The following USH2A variants were observed in gnomAD, a reference collection of about 807,000 sequenced individuals.
USH2A encodes usherin.
In USH2A, 443 loss-of-function variants were observed where a neutral mutation model predicts 538.9. The observed-to-expected ratio is 0.82, with a 90% CI of 0.76 to 0.89. The LOEUF is 0.89. Among genes scored for constraint, USH2A ranks in the 40% least tolerant of loss-of-function variants. USH2A has a pLI of 0.00. For missense variants in USH2A, 6,633 were observed against 6,324.8 expected, an observed-to-expected ratio of 1.05 and a Z score of -1.65; for synonymous variants, 2,413 against 2,273.5, an observed-to-expected ratio of 1.06 and a Z score of -1.75.
intron 34 of USH2A, 85 bp downstream of exon 34, chr1:215,998,802 T>C: frequency 7.0e-7 from 1 of 1,432,978 alleles, no homozygotes; most frequent in Non-Finnish European, 9.7e-7. Context: ...TTTTTTTAAG[T>C]GAGAGAGAAA....
intron 21 of USH2A, among the ~76,000 whole-genome samples, chr1:216,172,278 C>G (rs149869331): frequency 2.6e-5 from 4 of 151,914 alleles, no homozygotes; most frequent in Admixed American, 2.6e-4. Context: ...GTTATGAATG[C>G]GTTTATAATT....
intron 11 of USH2A, among the ~76,000 whole-genome samples, chr1:216,258,797 A>T (rs939316831): frequency 6.6e-6 from 1 of 152,118 alleles, no homozygotes; most frequent in African/African-American, 2.4e-5. Context: ...GATAAATTCT[A>T]TCACAATGTT....
rs181872439 is a variant in USH2A, at chr1:216,279,971, G to A, written c.1971+9309C>T. Among the ~76,000 whole-genome samples the A allele has an allele frequency of 9.2e-5, 14 of 151,812 alleles. No homozygotes were observed. The East Asian group carries it at 2.5e-3, about 27-fold the overall frequency. On this transcript the variant is annotated intron_variant, in intron 11 of 71. Transcript: ENST00000307340. The stretch of plus-strand genomic sequence containing the variant: ...GTGGGGTCAGTGGAGGGAAAGGATG[G>A]AGACAAGCGGCTCACTCCCACCTTG...
chr1:215,766,308 T>C (rs1291680863), intron 56 of USH2A, among the ~76,000 whole-genome samples: 1 of 152,190 alleles, frequency 6.6e-6, no homozygotes, highest in Non-Finnish European at 1.5e-5. Context: ...CAGATCTTTC[T>C]CCTATCACTT....
intron 60 of USH2A, among the ~76,000 whole-genome samples, chr1:215,734,780 G>C (rs1660107767): frequency 2.0e-5 from 3 of 152,286 alleles, no homozygotes; most frequent in African/African-American, 7.2e-5. Flanking sequence ...GGCATAACAA[G>C]GGTGACCTTT....
At chr1:216,285,037 CA>C (rs2036854639) in intron 11 of USH2A, among the ~76,000 whole-genome samples, 1 of 152,188 alleles carries the variant, frequency 6.6e-6, no homozygotes, top group Admixed American at 6.5e-5. Context: ...GAAAAATTTG[CA>C]GGCTGACAAT....
Position 216,196,638 on chromosome 1 carries a change from A to G in USH2A, c.4166T>C (p.Val1389Ala). The G allele has an allele frequency of 1.9e-6, 3 of 1,613,640 alleles. No homozygotes were observed. Among genetic ancestry groups the G allele is most frequent in the Non-Finnish European group, 2.5e-6 (3 of 1,179,722 alleles). ...ATACCCCACAACTTTTCCTCTTGTAACATTATCTGCTGGCTTCTCCCAGGA... is the reference window on the plus strand; with the variant it reads ...ATACCCCACAACTTTTCCTCTTGTAGCATTATCTGCTGGCTTCTCCCAGGA... Reference protein sequence around the residue: ...NISWEKPADNVTRGKVVGYDI... With the variant: ...NISWEKPADNATRGKVVGYDI... Residue 1389 changes from valine to alanine, a missense_variant, in exon 19 of 72, where the codon GTT (valine) becomes GCT (alanine). Coordinates refer to ENST00000307340, the MANE Select transcript of USH2A (RefSeq NM_206933.4).
At chr1:216,111,603 T>C (rs2032871692) in intron 21 of USH2A, among the ~76,000 whole-genome samples, 1 of 151,782 alleles carries the variant, frequency 6.6e-6, no homozygotes, top group African/African-American at 2.4e-5. Flanking sequence ...AAAAACGCTT[T>C]ATTAAACTAG....
chr1:216,414,527 T>G (rs1457195994), intron 3 of USH2A, among the ~76,000 whole-genome samples: 3 of 152,034 alleles, frequency 2.0e-5, no homozygotes, highest in Non-Finnish European at 4.4e-5. Flanking sequence ...TTTTTCTGAT[T>G]TTGGTAAATT....
chr1:215,676,312 C>T (rs760804555), intron 62 of USH2A, among the ~76,000 whole-genome samples: 2 of 152,102 alleles, frequency 1.3e-5, no homozygotes, highest in Admixed American at 1.3e-4. Context: ...TGGAAAAAAA[C>T]ATCTGAATGC....
At chr1:216,138,436 C>T (rs796435378) in intron 21 of USH2A, among the ~76,000 whole-genome samples, 2 of 152,328 alleles carry the variant, frequency 1.3e-5, no homozygotes, top group African/African-American at 4.8e-5. Context: ...GCAGCTATTG[C>T]TCCAACTGTA....
chr1:215,685,354 GTT>G (rs34889051), intron 61 of USH2A, among the ~76,000 whole-genome samples: 7 of 113,686 alleles, frequency 6.2e-5, no homozygotes, highest in African/African-American at 1.1e-4. Flanking sequence ...TGTTGTTGTT[GTT>G]TTTTTTTTTG....
chr1:215,766,374 G>A (rs1400386262), intron 56 of USH2A, among the ~76,000 whole-genome samples: 1 of 152,078 alleles, frequency 6.6e-6, no homozygotes, highest in East Asian at 1.9e-4. Context: ...TCAGCAGTGA[G>A]CATGGTGCTT....
intron 32 of USH2A, among the ~76,000 whole-genome samples, chr1:216,013,459 T>C (rs4503324): frequency 0.45 from 68,623 of 150,978 alleles, 16,158 homozygotes; most frequent in East Asian, 0.7. Flanking sequence ...AAGACAGGAA[T>C]GTCAGGCCTC....
chr1:216,292,257 G>A lies in USH2A; in HGVS notation c.1758C>T (p.Tyr586=), dbSNP rs779929656. The change falls in exon 10 of 72, where the codon TAC becomes TAT. Residue 586 remains tyrosine (Y), a synonymous_variant. Transcript: ENST00000307340. Reference sequence around the variant, plus strand: ...AAGGAAATGGGTCTACAGAGATGTTGTAATGGCAGCTTTTGGAATGGCTGT... The same window carrying A: ...AAGGAAATGGGTCTACAGAGATGTTATAATGGCAGCTTTTGGAATGGCTGT... ...QCNSHSKSCH[Y]NISVDPFPFE... is the part of the protein sequence containing the mutation. 8.1e-6 allele frequency: 13 copies of A among 1,613,940 alleles called. No homozygotes were observed. The East Asian group carries it at 2.7e-4, about 33-fold the overall frequency.
At chr1:216,290,716 C>T (rs189636150) in intron 10 of USH2A, among the ~76,000 whole-genome samples, 2 of 152,166 alleles carry the variant, frequency 1.3e-5, no homozygotes, top group Non-Finnish European at 2.9e-5. Context: ...CCAGGAGTTT[C>T]TCCTATGTCT....
chr1:215,826,116 A>G (rs1663145713), intron 47 of USH2A, among the ~76,000 whole-genome samples: 1 of 152,198 alleles, frequency 6.6e-6, no homozygotes, highest in Admixed American at 6.5e-5. Context: ...ATATTGATCT[A>G]TAGCATGGCA....
At chr1:216,127,788 A>G (rs2033285192) in intron 21 of USH2A, among the ~76,000 whole-genome samples, 1 of 152,176 alleles carries the variant, frequency 6.6e-6, no homozygotes, top group Non-Finnish European at 1.5e-5. Flanking sequence ...ATTATCCCGC[A>G]TTCTTTTATT....
At chr1:216,122,886 A>G (rs897432656) in intron 21 of USH2A, among the ~76,000 whole-genome samples, 3 of 152,186 alleles carry the variant, frequency 2.0e-5, no homozygotes, top group Non-Finnish European at 2.9e-5. Context: ...GCTTTTTATC[A>G]AGGTCAGATG....
Sources: gnomAD v4.1 joint callset for allele counts (sites outside exome capture counted in the v4.1 genomes callset) on GRCh38, gnomAD v4.1.1 for gene constraint, MANE v1.5 for transcripts, NCBI Gene and HGNC (gene_info 2026-07-23, HGNC 2026-07-21) for gene names.